Variants in MAD1L1 observed in about 807,000 individuals in gnomAD.
MAD1L1 encodes mitotic spindle assembly checkpoint protein MAD1.
A neutral mutation model predicts 96.9 loss-of-function variants in MAD1L1; 95 were observed. The ratio of observed to expected loss-of-function variants is 0.98; its 90% confidence interval spans 0.83 to 1.16. MAD1L1 has a LOEUF of 1.16. Ranked by LOEUF, MAD1L1 falls within the 50% of genes most tolerant of loss-of-function variation. MAD1L1 has a pLI of 0.00. For synonymous variants in MAD1L1, 473 were observed against 396.6 expected, an observed-to-expected ratio of 1.19 and a Z score of -2.29; for missense variants, 1,007 against 954.4, an observed-to-expected ratio of 1.06 and a Z score of -0.73.
intron 10 of MAD1L1, among the ~76,000 whole-genome samples, chr7:2,167,837 C>G (rs991324351): frequency 6.7e-6 from 1 of 150,186 alleles, no homozygotes; most frequent in African/African-American, 2.5e-5. Context: ...GAGTTTGATA[C>G]CAGCCAGGGC....
At chr7:2,102,215 C>A (rs1012195782) in intron 11 of MAD1L1, among the ~76,000 whole-genome samples, 1 of 151,264 alleles carries the variant, frequency 6.6e-6, no homozygotes, top group Admixed American at 6.6e-5. Flanking sequence ...CCGTCACCAC[C>A]GCCACCGTCG....
At chr7:1,916,568 C>G (rs1442789592) in intron 17 of MAD1L1, among the ~76,000 whole-genome samples, 1 of 152,168 alleles carries the variant, frequency 6.6e-6, no homozygotes, top group Non-Finnish European at 1.5e-5. Flanking sequence ...AGACAGTGAG[C>G]CCTCAAGGAA....
chr7:2,014,985 A>G (rs932275655), intron 12 of MAD1L1, among the ~76,000 whole-genome samples: 5 of 152,160 alleles, frequency 3.3e-5, no homozygotes, highest in Non-Finnish European at 7.4e-5. Context: ...GACACAGCAC[A>G]CACAAGGCGA....
chr7:2,145,692 C>T (rs1377499090), intron 11 of MAD1L1, among the ~76,000 whole-genome samples: 2 of 152,186 alleles, frequency 1.3e-5, no homozygotes, highest in African/African-American at 2.4e-5. Context: ...CCAGGTTGCA[C>T]GGCAAGCTGA....
chr7:2,219,214 G>C (rs1164326248), intron 6 of MAD1L1, 118 bp downstream of exon 6: 3 of 990,072 alleles, frequency 3.0e-6, no homozygotes, highest in Non-Finnish European at 4.4e-6. Context: ...TTGAGTGTCT[G>C]TGAATTAGGA....
chr7:2,184,748 T>C (rs1475761270), intron 10 of MAD1L1, among the ~76,000 whole-genome samples: 1 of 152,112 alleles, frequency 6.6e-6, no homozygotes. Context: ...ACACCTGTAA[T>C]CCCAGCACTT....
intron 11 of MAD1L1, among the ~76,000 whole-genome samples, chr7:2,111,792 C>A (rs1787395803): frequency 6.6e-6 from 1 of 151,832 alleles, no homozygotes; most frequent in African/African-American, 2.4e-5. Flanking sequence ...TGGACCTGCA[C>A]ACACAGCAAA....
intron 15 of MAD1L1, among the ~76,000 whole-genome samples, chr7:1,976,441 G>C (rs1206248863): frequency 1.3e-5 from 2 of 152,206 alleles, no homozygotes; most frequent in Non-Finnish European, 2.9e-5. Flanking sequence ...GTCTGGAGTT[G>C]TTCGTTCCTC....
At chr7:2,065,534 A>G (rs1784842089) in intron 12 of MAD1L1, among the ~76,000 whole-genome samples, 1 of 151,986 alleles carries the variant, frequency 6.6e-6, no homozygotes, top group Admixed American at 6.6e-5. Flanking sequence ...GTCGTCACCA[A>G]CCCCAGCTTC....
intron 12 of MAD1L1, among the ~76,000 whole-genome samples, chr7:2,028,667 G>A (rs372045924): frequency 4.6e-5 from 7 of 152,056 alleles, no homozygotes; most frequent in African/African-American, 9.7e-5. Context: ...ATCAGGTAAC[G>A]AGACTCTAAC....
At chr7:2,221,455 C>A (rs1190311503) in intron 5 of MAD1L1, among the ~76,000 whole-genome samples, 1 of 152,048 alleles carries the variant, frequency 6.6e-6, no homozygotes, top group Non-Finnish European at 1.5e-5. Flanking sequence ...GGACCCGCGG[C>A]CAGTTTCTGG....
intron 10 of MAD1L1, among the ~76,000 whole-genome samples, chr7:2,209,496 C>G (rs773384865): frequency 2.0e-5 from 3 of 152,228 alleles, no homozygotes; most frequent in East Asian, 1.9e-4. Context: ...AAGCGCCCCC[C>G]TGAAGGCAGT....
At chr7:2,013,453 G>A (rs188688532) in intron 13 of MAD1L1, among the ~76,000 whole-genome samples, 8 of 152,278 alleles carry the variant, frequency 5.3e-5, no homozygotes, top group East Asian at 3.9e-4. Flanking sequence ...GTGGCCTGGC[G>A]GTGTCACACA....
At chr7:2,074,649 C>T (rs567298637) in intron 11 of MAD1L1, among the ~76,000 whole-genome samples, 2 of 152,262 alleles carry the variant, frequency 1.3e-5, no homozygotes, top group Non-Finnish European at 2.9e-5. Flanking sequence ...CCCTCTCCAG[C>T]GCCCCCAGGA....
At chr7:1,972,707 G>A (rs2128480459) in intron 15 of MAD1L1, among the ~76,000 whole-genome samples, 1 of 150,624 alleles carries the variant, frequency 6.6e-6, no homozygotes, top group Middle Eastern at 3.4e-3. Context: ...ATCCATGCTT[G>A]CTCTGGGCTA....
At chr7:1,972,635 T>A (rs562156403) in intron 15 of MAD1L1, among the ~76,000 whole-genome samples, 1 of 152,102 alleles carries the variant, frequency 6.6e-6, no homozygotes, top group African/African-American at 2.4e-5. Context: ...GAACTTATTG[T>A]TTTAATAATT....
chr7:2,221,943 G>A (rs192641039), intron 5 of MAD1L1, among the ~76,000 whole-genome samples: 9 of 152,288 alleles, frequency 5.9e-5, no homozygotes, highest in Non-Finnish European at 5.9e-5. Flanking sequence ...CAACAGAAGC[G>A]AGGGCTGAGG....
intron 17 of MAD1L1, among the ~76,000 whole-genome samples, chr7:1,913,070 G>C (rs1199254829): frequency 6.6e-6 from 1 of 152,210 alleles, no homozygotes; most frequent in Non-Finnish European, 1.5e-5. Context: ...GAGTCAATCT[G>C]TCTGCTTTCG....
chr7:2,011,617 G>C (rs1345269420), intron 13 of MAD1L1, among the ~76,000 whole-genome samples: 2 of 151,352 alleles, frequency 1.3e-5, no homozygotes, highest in African/African-American at 2.5e-5. Flanking sequence ...CCTCTCCCAG[G>C]CTCCTGGGAG....
Sources: gnomAD v4.1 joint callset for allele counts (sites outside exome capture counted in the v4.1 genomes callset) on GRCh38, gnomAD v4.1.1 for gene constraint, MANE v1.5 for transcripts, NCBI Gene and HGNC (gene_info 2026-07-23, HGNC 2026-07-21) for gene names.